The following MCPH1 variants were observed in gnomAD, a reference collection of about 807,000 sequenced individuals.
The protein encoded by MCPH1 is microcephalin.
A neutral mutation model predicts 84.5 loss-of-function variants in MCPH1; 104 were observed. The ratio of observed to expected loss-of-function variants is 1.23; its 90% CI spans 1.05 to 1.45. The LOEUF (loss-of-function observed/expected upper bound fraction) is 1.45, where lower values mean the gene tolerates loss of function less well. Ranked by LOEUF, MCPH1 falls within the 40% of genes most tolerant of loss-of-function variation. MCPH1 has a pLI of 0.00. For synonymous variants in MCPH1, 514 were observed against 366.8 expected (o/e 1.40, Z -4.58); for missense variants, 1,498 against 1,005.7 (o/e 1.49, Z -6.62).
intron 5 of MCPH1, among the ~76,000 whole-genome samples, chr8:6,437,644 C>T (rs1802860926): frequency 6.6e-6 from 1 of 152,200 alleles, no homozygotes; most frequent in African/African-American, 2.4e-5. Context: ...GTTTCATGCT[C>T]AGCCCTCCCG....
intron 12 of MCPH1, among the ~76,000 whole-genome samples, chr8:6,579,967 G>T (rs890545371): frequency 2.0e-5 from 3 of 152,168 alleles, no homozygotes; most frequent in Non-Finnish European, 4.4e-5. Flanking sequence ...CCGTGCCCCT[G>T]CCAGAAACTA....
intron 8 of MCPH1, among the ~76,000 whole-genome samples, chr8:6,452,472 G>A (rs1356585859): frequency 6.6e-6 from 1 of 152,236 alleles, no homozygotes; most frequent in Admixed American, 6.5e-5. Flanking sequence ...GTGTAATGAG[G>A]TTGGGAGGAA....
intron 1 of MCPH1, among the ~76,000 whole-genome samples, chr8:6,408,153 C>T (rs928000647): frequency 1.3e-5 from 2 of 152,204 alleles, no homozygotes; most frequent in Admixed American, 1.3e-4. Context: ...TGTAAACTCT[C>T]ATGTATTGTA....
At chr8:6,470,975 T>C (rs1807642145) in intron 9 of MCPH1, among the ~76,000 whole-genome samples, 1 of 152,256 alleles carries the variant, frequency 6.6e-6, no homozygotes, top group African/African-American at 2.4e-5. Flanking sequence ...AGTCATCTTA[T>C]TCTTTCTCTA....
At chr8:6,633,559 G>C (rs971545212) in intron 13 of MCPH1, among the ~76,000 whole-genome samples, 1 of 152,160 alleles carries the variant, frequency 6.6e-6, no homozygotes, top group Non-Finnish European at 1.5e-5. Context: ...TCATGTGACA[G>C]GGCATAGTCA....
intron 12 of MCPH1, among the ~76,000 whole-genome samples, chr8:6,555,005 C>A (rs1355409763): frequency 6.6e-6 from 1 of 152,162 alleles, no homozygotes; most frequent in Non-Finnish European, 1.5e-5. Context: ...AGAGTCCAGG[C>A]AGTGGTAGGC....
intron 12 of MCPH1, among the ~76,000 whole-genome samples, chr8:6,505,486 ATATATTCTTTATATAT>A (rs1344372678): frequency 0.2 from 944 of 4,618 alleles, 165 homozygotes; most frequent in Middle Eastern, 0.33. Context: ...TATAGAATAT[ATATATTCTTTATATAT>A]GTATATATAG....
intron 12 of MCPH1, among the ~76,000 whole-genome samples, chr8:6,620,458 C>T (rs1376581681): frequency 6.6e-6 from 1 of 152,044 alleles, no homozygotes; most frequent in Non-Finnish European, 1.5e-5. Flanking sequence ...CTGCACCCTA[C>T]CCCTGCCTCC....
At chr8:6,510,262 G>C (rs1034308638) in intron 12 of MCPH1, among the ~76,000 whole-genome samples, 1 of 152,012 alleles carries the variant, frequency 6.6e-6, no homozygotes, top group Non-Finnish European at 1.5e-5. Context: ...TCACGTAATG[G>C]GGTATGCCAT....
chr8:6,480,835 C>G lies in MCPH1; in HGVS notation c.2095C>G (p.Leu699Val), dbSNP rs549213863. 4.3e-6 allele frequency: 7 copies of G among 1,614,194 alleles called. No homozygotes were observed. In the South Asian group the frequency reaches 6.6e-5, roughly 15 times the overall value. The change falls in exon 11 of 14, where the codon CTG becomes GTG. Residue 699 changes from leucine to valine, a missense_variant. Transcript: ENST00000344683. The part of the protein sequence containing the change: ...GKPLRTLNVL[L>V]GIARGCWVLS... ...GCCACTTCGCACCCTGAATGTGCTGCTGGGAATTGCGCGTGGCTGCTGGGT... is the reference window on the plus strand; with the variant it reads ...GCCACTTCGCACCCTGAATGTGCTGGTGGGAATTGCGCGTGGCTGCTGGGT...
intron 12 of MCPH1, among the ~76,000 whole-genome samples, chr8:6,597,117 T>C (rs1382935455): frequency 6.6e-6 from 1 of 152,206 alleles, no homozygotes; most frequent in Non-Finnish European, 1.5e-5. Flanking sequence ...TCAGCACTTC[T>C]TGTACCTTAT....
At chr8:6,507,894 A>G (rs188701766) in intron 12 of MCPH1, 4 of 152,044 alleles carry the variant, frequency 2.6e-5, no homozygotes, top group Admixed American at 6.5e-5. Flanking sequence ...GAAAAATAAC[A>G]TTTTCTAAAA....
chr8:6,502,878 A>C (rs1586158760), intron 12 of MCPH1: 1 of 538,234 alleles, frequency 1.9e-6, no homozygotes, highest in Non-Finnish European at 3.3e-6. Context: ...TGTTCTGTCT[A>C]ATCACAATTA....
At chr8:6,496,901 C>T (rs1201752039) in intron 11 of MCPH1, among the ~76,000 whole-genome samples, 1 of 152,100 alleles carries the variant, frequency 6.6e-6, no homozygotes, top group East Asian at 1.9e-4. Context: ...AGTTTTCTCT[C>T]ATCACTTATA....
intron 9 of MCPH1, among the ~76,000 whole-genome samples, chr8:6,456,564 G>A (rs1033515017): frequency 4.0e-5 from 6 of 151,830 alleles, no homozygotes; most frequent in Admixed American, 2.0e-4. Flanking sequence ...GTGCCCTCCC[G>A]CTTTACTGAC....
chr8:6,624,565 C>T (rs1192719170), intron 13 of MCPH1, among the ~76,000 whole-genome samples: 4 of 152,196 alleles, frequency 2.6e-5, no homozygotes, highest in African/African-American at 9.7e-5. Flanking sequence ...GAAGTGAATT[C>T]CAATCTAGTA....
intron 12 of MCPH1, among the ~76,000 whole-genome samples, chr8:6,539,061 G>GA (rs1821028796): frequency 6.6e-6 from 1 of 152,018 alleles, no homozygotes; most frequent in Admixed American, 6.6e-5. Flanking sequence ...TTATTCTGGA[G>GA]ATTTTGCTGC....
intron 3 of MCPH1, among the ~76,000 whole-genome samples, chr8:6,429,744 C>G (rs914046382): frequency 6.6e-6 from 1 of 151,864 alleles, no homozygotes; most frequent in South Asian, 2.1e-4. Flanking sequence ...ATTCCCCCTC[C>G]CCATCTTAGT....
intron 9 of MCPH1, among the ~76,000 whole-genome samples, chr8:6,470,009 C>T (rs73518736): frequency 0.016 from 2,480 of 152,196 alleles, 73 homozygotes; most frequent in African/African-American, 0.057. Context: ...TGTGCTTTTC[C>T]TGTTAAGGAA....
Sources: allele counts gnomAD v4.1 joint callset (sites outside exome capture counted in the v4.1 genomes callset), GRCh38; gene constraint gnomAD v4.1.1; transcripts MANE v1.5; gene names NCBI Gene and HGNC (gene_info 2026-07-23, HGNC 2026-07-21).